The following RPRD1A variants were observed in gnomAD, a reference collection of about 807,000 sequenced individuals.
RPRD1A encodes regulation of nuclear pre-mRNA domain-containing protein 1A.
In RPRD1A, 9 loss-of-function variants were observed where a neutral mutation model predicts 37.8. The observed-to-expected ratio is 0.24, with a 90% CI of 0.14 to 0.42. The LOEUF (loss-of-function observed/expected upper bound fraction) is 0.42, where lower values mean the gene tolerates loss of function less well. Among genes scored for constraint, RPRD1A ranks in the 10% least tolerant of loss-of-function variants. The pLI, the probability that RPRD1A is intolerant of heterozygous loss-of-function variation, is 1.00. For missense variants in RPRD1A, 255 were observed against 371.0 expected, an observed-to-expected ratio of 0.69 and a Z score of 2.57; for synonymous variants, 138 against 139.7, an observed-to-expected ratio of 0.99 and a Z score of 0.08.
chr18:36,034,539 C>A (rs966973998), intron 1 of RPRD1A, among the ~76,000 whole-genome samples: 1 of 152,128 alleles, frequency 6.6e-6, no homozygotes, highest in Non-Finnish European at 1.5e-5. Context: ...CATACTACTA[C>A]TGAATATGAC....
At chr18:36,044,674 C>T (rs1033140698) in intron 1 of RPRD1A, among the ~76,000 whole-genome samples, 6 of 151,526 alleles carry the variant, frequency 4.0e-5, no homozygotes, top group South Asian at 2.1e-4. Flanking sequence ...GACGACAGAG[C>T]GAGACTCAGT....
chr18:36,018,474 C>T (rs1910759510), intron 6 of RPRD1A, among the ~76,000 whole-genome samples: 1 of 152,044 alleles, frequency 6.6e-6, no homozygotes, highest in Non-Finnish European at 1.5e-5. Context: ...GGGGTTTCAC[C>T]GTGATAGCCA....
At chr18:36,014,473 T>G (rs913693286) in intron 6 of RPRD1A, among the ~76,000 whole-genome samples, 1 of 152,252 alleles carries the variant, frequency 6.6e-6, no homozygotes, top group Non-Finnish European at 1.5e-5. Flanking sequence ...GCGCCATGGC[T>G]CACGCCTGTA....
intron 6 of RPRD1A, chr18:36,025,207 T>C (rs1877292186): frequency 6.5e-6 from 1 of 153,920 alleles, no homozygotes; most frequent in East Asian, 1.9e-4. Context: ...AACAACTCAC[T>C]AGCTCTTTGT....
intron 1 of RPRD1A, among the ~76,000 whole-genome samples, chr18:36,055,751 A>C (rs1044280893): frequency 2.0e-5 from 3 of 152,188 alleles, no homozygotes; most frequent in African/African-American, 7.2e-5. Flanking sequence ...TGAAACAGGG[A>C]AGAGTAATTG....
rs759148388 is a variant in RPRD1A at position 36,031,112 on chromosome 18, A to G, written c.282-15T>C. On this transcript the variant is annotated splice_polypyrimidine_tract_variant and intron_variant, in intron 2 of 6. Coordinates refer to ENST00000399022, the MANE Select transcript of RPRD1A (RefSeq NM_018170.5). Reference sequence around the variant, plus strand: ...CATCAGTTTCACTAAAAAAAAAAAAAAAGAAAAAAAGAAAAATGTTAACAG... The same window carrying G: ...CATCAGTTTCACTAAAAAAAAAAAAGAAGAAAAAAAGAAAAATGTTAACAG... 1 of 1,526,140 alleles carries G rather than the reference A, an allele frequency of 6.6e-7. No homozygotes were observed. The highest frequency in any genetic ancestry group is 8.7e-7 in the Non-Finnish European group (1 of 1,143,974). The allele number at this position is 1,526,140 out of a possible 1,614,324, so 94.5% of individuals were successfully genotyped here.
At chr18:36,046,082 T>C (rs763968804) in intron 1 of RPRD1A, among the ~76,000 whole-genome samples, 101 of 152,218 alleles carry the variant, frequency 6.6e-4, no homozygotes, top group Non-Finnish European at 1.2e-3. Flanking sequence ...AATTTTAATA[T>C]AGGTCATGAT....
chr18:36,019,520 G>C lies in RPRD1A; in HGVS notation c.789+7380C>G, dbSNP rs1320406709. Among the ~76,000 whole-genome samples the C allele has an allele frequency of 2.0e-5, 3 of 152,268 alleles. No individual in the cohort carries two copies. In the East Asian group the frequency reaches 5.8e-4, roughly 29 times the overall value. On this transcript the variant is annotated intron_variant, in intron 6 of 6. Transcript: ENST00000399022. ...GAGCAGAAGATCATCTTATAAGCCA[G>C]GTAGTACATGACAACCACTTAGACA...
At chr18:36,025,159 A>C (rs938599336) in intron 6 of RPRD1A, 2 of 152,538 alleles carry the variant, frequency 1.3e-5, no homozygotes, top group African/African-American at 2.4e-5. Context: ...CTTTTTGATG[A>C]AGTGCACTGG....
intron 6 of RPRD1A, among the ~76,000 whole-genome samples, chr18:36,013,325 A>C (rs937388433): frequency 1.3e-5 from 2 of 152,222 alleles, no homozygotes; most frequent in African/African-American, 4.8e-5. Context: ...AACCATAGGA[A>C]ATAGTGAAGG....
At chr18:36,057,378 C>T (rs1196249892) in intron 1 of RPRD1A, among the ~76,000 whole-genome samples, 3 of 152,036 alleles carry the variant, frequency 2.0e-5, no homozygotes, top group African/African-American at 4.8e-5. Flanking sequence ...GAGGCCAAAA[C>T]GGGAGGATCA....
intron 1 of RPRD1A, among the ~76,000 whole-genome samples, chr18:36,039,682 AAATT>A (rs1231870714): frequency 6.6e-6 from 1 of 152,182 alleles, no homozygotes; most frequent in African/African-American, 2.4e-5. Flanking sequence ...ATCATAATCT[AAATT>A]AATCATCCAT....
chr18:36,008,418 G>C (rs1909899040), intron 6 of RPRD1A, among the ~76,000 whole-genome samples: 1 of 150,694 alleles, frequency 6.6e-6, no homozygotes, highest in Non-Finnish European at 1.5e-5. Flanking sequence ...TCTACAGAAA[G>C]CACAAAAATT....
intron 1 of RPRD1A, among the ~76,000 whole-genome samples, chr18:36,052,613 G>A (rs928190158): frequency 4.0e-5 from 6 of 151,710 alleles, no homozygotes; most frequent in African/African-American, 9.7e-5. Context: ...TGTTGGGGGC[G>A]GGGGGGATGG....
At chr18:36,042,590 T>C (rs929989849) in intron 1 of RPRD1A, among the ~76,000 whole-genome samples, 2 of 152,258 alleles carry the variant, frequency 1.3e-5, no homozygotes, top group Admixed American at 6.5e-5. Context: ...GTACGTTTTT[T>C]AAATGTATTG....
At chr18:36,023,410 C>A (rs1911143424) in intron 6 of RPRD1A, among the ~76,000 whole-genome samples, 2 of 152,226 alleles carry the variant, frequency 1.3e-5, no homozygotes, top group Admixed American at 1.3e-4. Context: ...TGTGACTGAA[C>A]TGCTCCAATC....
chr18:36,056,905 C>G (rs1207593537), intron 1 of RPRD1A, among the ~76,000 whole-genome samples: 1 of 151,726 alleles, frequency 6.6e-6, no homozygotes, highest in Non-Finnish European at 1.5e-5. Flanking sequence ...CCTCTTAATA[C>G]ATTTTAACAA....
chr18:36,005,191 C>G (rs1032167706), intron 6 of RPRD1A, among the ~76,000 whole-genome samples: 1 of 152,094 alleles, frequency 6.6e-6, no homozygotes, highest in African/African-American at 2.4e-5. Context: ...GTCCCAGCTA[C>G]TCCAGAGCCT....
At chr18:36,008,998 T>G (rs1488727729) in intron 6 of RPRD1A, among the ~76,000 whole-genome samples, 1 of 151,870 alleles carries the variant, frequency 6.6e-6, no homozygotes, top group Non-Finnish European at 1.5e-5. Context: ...GGTATGGGAG[T>G]AGGGAGAGGA....
Sources: allele counts gnomAD v4.1 joint callset (sites outside exome capture counted in the v4.1 genomes callset), GRCh38; gene constraint gnomAD v4.1.1; transcripts MANE v1.5; gene names NCBI Gene and HGNC (gene_info 2026-07-23, HGNC 2026-07-21).